Variants in OPCML observed in about 807,000 individuals in gnomAD.
OPCML encodes the protein opioid binding protein/cell adhesion molecule like.
A neutral mutation model predicts 37.8 loss-of-function variants in OPCML; 13 were observed. The observed-to-expected ratio is 0.34, with a 90% CI of 0.22 to 0.55. The LOEUF is 0.55. Ranked by LOEUF, OPCML falls within the 20% of genes least tolerant of loss-of-function variation. The probability of loss-of-function intolerance (pLI) is 0.91; values close to 1 mark genes in which losing one functional copy is unlikely to be tolerated. For missense variants in OPCML, 341 were observed against 435.6 expected (o/e 0.78, Z 1.93); for synonymous variants, 176 against 168.8 (o/e 1.04, Z -0.33).
chr11:132,857,307 G>T (rs560888885), intron 2 of OPCML, among the ~76,000 whole-genome samples: 110 of 152,248 alleles, frequency 7.2e-4, no homozygotes, highest in African/African-American at 2.5e-3. Context: ...GAAATTCTTT[G>T]TACAATTTTT....
At chr11:133,074,653 A>G (rs892359860) in intron 1 of OPCML, among the ~76,000 whole-genome samples, 3 of 152,114 alleles carry the variant, frequency 2.0e-5, no homozygotes, top group Non-Finnish European at 2.9e-5. Flanking sequence ...CCAGGATCCT[A>G]TGTGAAGCTT....
intron 2 of OPCML, among the ~76,000 whole-genome samples, chr11:132,857,844 A>T (rs1314418944): frequency 6.6e-6 from 1 of 152,208 alleles, no homozygotes; most frequent in Non-Finnish European, 1.5e-5. Flanking sequence ...TCCCTCATGA[A>T]CAAAAGCTCT....
chr11:133,111,214 C>T (rs560372520), intron 1 of OPCML, among the ~76,000 whole-genome samples: 97 of 152,260 alleles, frequency 6.4e-4, no homozygotes, highest in African/African-American at 2.3e-3. Flanking sequence ...GCTATGACCC[C>T]AGCAGAATAC....
intron 1 of OPCML, among the ~76,000 whole-genome samples, chr11:133,510,554 A>T (rs909417858): frequency 3.3e-5 from 5 of 152,122 alleles, no homozygotes; most frequent in Non-Finnish European, 5.9e-5. Flanking sequence ...TACTTAAGGG[A>T]CTGATATAAA....
At chr11:133,425,246 A>G (rs1945977949) in intron 1 of OPCML, among the ~76,000 whole-genome samples, 1 of 152,200 alleles carries the variant, frequency 6.6e-6, no homozygotes, top group African/African-American at 2.4e-5. Flanking sequence ...GACCCCTCCA[A>G]ATCACATAAA....
At chr11:133,303,930 C>G (rs188422940) in intron 1 of OPCML, among the ~76,000 whole-genome samples, 1 of 152,344 alleles carries the variant, frequency 6.6e-6, no homozygotes, top group East Asian at 1.9e-4. Context: ...GAAAACTATA[C>G]TGCTATCATT....
intron 2 of OPCML, among the ~76,000 whole-genome samples, chr11:132,809,873 C>T (rs1376709526): frequency 1.3e-5 from 2 of 151,928 alleles, no homozygotes; most frequent in African/African-American, 4.8e-5. Context: ...ATTTTTGAGA[C>T]GGTATCTTGC....
chr11:133,442,327 T>G (rs1048781677), intron 1 of OPCML, among the ~76,000 whole-genome samples: 1 of 152,158 alleles, frequency 6.6e-6, no homozygotes, highest in Non-Finnish European at 1.5e-5. Context: ...AACTTTTTAT[T>G]CTCAAATATT....
rs1945676330 is a variant in OPCML at position 132,943,978 on chromosome 11, CGGT to C, written c.62-971_62-969del. Reference sequence around the variant, plus strand: ...TCCATCCCTGACCGCCACTTTCTCCCGGTGCCGCCTCGGAGCGAGCGGGCTGGC... The same window carrying C: ...TCCATCCCTGACCGCCACTTTCTCCCGCCGCCTCGGAGCGAGCGGGCTGGC... On this transcript the variant is annotated intron_variant, in intron 1 of 7. Coordinates refer to ENST00000524381, the MANE Select transcript of OPCML (RefSeq NM_001012393.5). This position sits in a 1 kb window ranked among gnomAD's most constrained non-coding sequence, Gnocchi z 4.3. Among the ~76,000 whole-genome samples the C allele has an allele frequency of 6.6e-6, 1 of 151,856 alleles. No individual in the cohort carries two copies. Among genetic ancestry groups the C allele is most frequent in the Non-Finnish European group, 1.5e-5 (1 of 67,884 alleles).
chr11:133,203,603 G>C (rs1938896930), intron 1 of OPCML, among the ~76,000 whole-genome samples: 3 of 152,164 alleles, frequency 2.0e-5, no homozygotes, highest in Non-Finnish European at 4.4e-5. Flanking sequence ...TTACTAAGAA[G>C]GGTAAGTCAT....
intron 1 of OPCML, among the ~76,000 whole-genome samples, chr11:133,424,487 G>A (rs1565626850): frequency 6.6e-6 from 1 of 152,040 alleles, no homozygotes; most frequent in African/African-American, 2.4e-5. Flanking sequence ...ACACTTTTAT[G>A]TCCTACTTTC....
At chr11:132,424,373 C>G (rs982833656) in intron 7 of OPCML, among the ~76,000 whole-genome samples, 1 of 152,266 alleles carries the variant, frequency 6.6e-6, no homozygotes, top group Non-Finnish European at 1.5e-5. Flanking sequence ...CCCACCTCAG[C>G]CTCCCAAAGT....
At chr11:133,153,786 AT>A (rs869068138) in intron 1 of OPCML, among the ~76,000 whole-genome samples, 8 of 84,624 alleles carry the variant, frequency 9.5e-5, no homozygotes, top group Non-Finnish European at 1.7e-4. Flanking sequence ...GTGCTATAGA[AT>A]AGACTGCCCC....
At chr11:132,483,228 G>C (rs1481778821) in intron 4 of OPCML, among the ~76,000 whole-genome samples, 1 of 147,448 alleles carries the variant, frequency 6.8e-6, no homozygotes, top group Middle Eastern at 3.2e-3. Context: ...AAAGTCTCAG[G>C]GTACAAAATC....
intron 1 of OPCML, among the ~76,000 whole-genome samples, chr11:133,329,034 C>A (rs545164941): frequency 3.3e-5 from 5 of 152,218 alleles, no homozygotes; most frequent in East Asian, 1.9e-4. Context: ...TCTTATACAC[C>A]AATAACAGAC....
chr11:132,571,809 G>A (rs1298874512), intron 3 of OPCML, among the ~76,000 whole-genome samples: 1 of 152,116 alleles, frequency 6.6e-6, no homozygotes, highest in African/African-American at 2.4e-5. Context: ...TATGAATAAT[G>A]TAGTAGTTCT....
chr11:133,272,749 G>A (rs1941886400), intron 1 of OPCML, among the ~76,000 whole-genome samples: 1 of 152,158 alleles, frequency 6.6e-6, no homozygotes, highest in Non-Finnish European at 1.5e-5. Flanking sequence ...ATATCAATTT[G>A]TTCCCTTCCT....
At chr11:132,658,423 C>CA (rs1211652771) in intron 2 of OPCML, among the ~76,000 whole-genome samples, 1 of 152,176 alleles carries the variant, frequency 6.6e-6, no homozygotes, top group African/African-American at 2.4e-5. Flanking sequence ...ACCCCAGAGA[C>CA]ACTGGCCACA....
At chr11:133,065,793 C>G (rs1018419430) in intron 1 of OPCML, 1 of 152,420 alleles carries the variant, frequency 6.6e-6, no homozygotes, top group African/African-American at 2.4e-5. Flanking sequence ...AGAGTGTGCA[C>G]AGACCCGCAA....
Sources: gnomAD v4.1 joint callset for allele counts (sites outside exome capture counted in the v4.1 genomes callset) on GRCh38, gnomAD v4.1.1 for gene constraint, Gnocchi (gnomAD v3.1) non-coding constraint, MANE v1.5 for transcripts, NCBI Gene and HGNC (gene_info 2026-07-23, HGNC 2026-07-21) for gene names.